The following TMEM135 variants were observed in gnomAD, a reference collection of about 807,000 sequenced individuals.
The protein encoded by TMEM135 is transmembrane protein 135.
A neutral mutation model predicts 60.3 loss-of-function variants in TMEM135; 30 were observed. The ratio of observed to expected loss-of-function variants is 0.50; its 90% CI spans 0.37 to 0.68. TMEM135 has a LOEUF of 0.68. Ranked by LOEUF, TMEM135 falls within the 30% of genes least tolerant of loss-of-function variation. The probability of loss-of-function intolerance (pLI) is 0.00; values close to 1 mark genes in which losing one functional copy is unlikely to be tolerated. For missense variants in TMEM135, 468 were observed against 548.8 expected (o/e 0.85, Z 1.47); for synonymous variants, 190 against 186.7 (o/e 1.02, Z -0.14).
At chr11:87,262,040 T>A (rs756238366) in intron 6 of TMEM135, among the ~76,000 whole-genome samples, 18 of 152,216 alleles carry the variant, frequency 1.2e-4, no homozygotes, top group Non-Finnish European at 2.6e-4. Context: ...TCGGATTCTA[T>A]CCAAATGTCA....
At chr11:87,227,950 C>T (rs1284732728) in intron 5 of TMEM135, among the ~76,000 whole-genome samples, 3 of 152,152 alleles carry the variant, frequency 2.0e-5, no homozygotes, top group African/African-American at 7.2e-5. Context: ...AATAACGTAT[C>T]TACGTATGTG....
intron 5 of TMEM135, among the ~76,000 whole-genome samples, chr11:87,222,606 C>G (rs1053369736): frequency 2.6e-5 from 4 of 151,360 alleles, no homozygotes; most frequent in Non-Finnish European, 5.9e-5. Flanking sequence ...GAGTTCGAGA[C>G]CAGCCTGACT....
At chr11:87,043,104 C>T (rs1452661958) in intron 1 of TMEM135, among the ~76,000 whole-genome samples, 1 of 151,382 alleles carries the variant, frequency 6.6e-6, no homozygotes, top group Non-Finnish European at 1.5e-5. Context: ...TACAGGTATG[C>T]ACCACCACGC....
At chr11:87,104,310 A>G (rs1466458904) in intron 4 of TMEM135, among the ~76,000 whole-genome samples, 3 of 152,134 alleles carry the variant, frequency 2.0e-5, no homozygotes, top group Admixed American at 6.6e-5. Flanking sequence ...TTTTTATGAC[A>G]GTACAATGCT....
chr11:87,247,892 A>C (rs903160385), intron 6 of TMEM135, among the ~76,000 whole-genome samples: 24 of 151,960 alleles, frequency 1.6e-4, no homozygotes, highest in African/African-American at 5.8e-4. Context: ...GGCACTCCCT[A>C]GTGAGATAAA....
At chr11:87,284,794 A>T (rs933225166) in intron 6 of TMEM135, among the ~76,000 whole-genome samples, 4 of 152,224 alleles carry the variant, frequency 2.6e-5, no homozygotes, top group Non-Finnish European at 2.9e-5. Flanking sequence ...ATTTCTTGCT[A>T]TTTCAAGTTC....
At position 87,283,014 on chromosome 11, in the gene TMEM135, A is replaced by T. The variant is rs116437583; in HGVS notation, c.510-12768A>T. Among the ~76,000 whole-genome samples, 793 of 152,198 alleles carry T rather than the reference A, an allele frequency of 5.2e-3. 6 individuals are homozygous for T. The highest frequency in any genetic ancestry group is 0.018 in the African/African-American group (757 of 41,532). On this transcript the variant is annotated intron_variant, in intron 6 of 14. Coordinates refer to ENST00000305494, the MANE Select transcript of TMEM135 (RefSeq NM_022918.4). ...ATGTTTCTCTTTCTTGGGGGTCAGG[A>T]TACTCTATAAGTCTTCAGCTAATCA...
chr11:87,276,737 C>T (rs1444542679), intron 6 of TMEM135, among the ~76,000 whole-genome samples: 52 of 136,916 alleles, frequency 3.8e-4, no homozygotes, highest in African/African-American at 2.7e-5. Flanking sequence ...AGCGTGATCT[C>T]GACTCACTGC....
chr11:87,150,231 A>AAG (rs1555110670), intron 4 of TMEM135, among the ~76,000 whole-genome samples: 54 of 151,324 alleles, frequency 3.6e-4, no homozygotes, highest in African/African-American at 1.3e-3. Context: ...AAAAAAAAAA[A>AAG]AAAAGAAAAA....
intron 4 of TMEM135, among the ~76,000 whole-genome samples, chr11:87,156,134 A>G (rs984706458): frequency 1.3e-5 from 2 of 152,142 alleles, no homozygotes; most frequent in African/African-American, 4.8e-5. Flanking sequence ...TTGTGCACTC[A>G]ATAGTCTTAT....
chr11:87,040,836 A>G (rs996862110), intron 1 of TMEM135, among the ~76,000 whole-genome samples: 4 of 152,062 alleles, frequency 2.6e-5, no homozygotes, highest in African/African-American at 7.2e-5. Context: ...ATAGTTACGC[A>G]TATTTTTCTT....
intron 5 of TMEM135, among the ~76,000 whole-genome samples, chr11:87,208,453 T>C (rs1310960920): frequency 2.0e-5 from 3 of 152,066 alleles, no homozygotes; most frequent in African/African-American, 7.2e-5. Flanking sequence ...TAGACCAAGC[T>C]GAGGAAAGAA....
intron 5 of TMEM135, among the ~76,000 whole-genome samples, chr11:87,203,898 G>A (rs968856847): frequency 5.9e-5 from 9 of 152,060 alleles, no homozygotes; most frequent in Non-Finnish European, 1.0e-4. Flanking sequence ...AATTATGGCC[G>A]TTCTAATAAG....
At chr11:87,319,158 C>T (rs957192976) in intron 13 of TMEM135, 152 bp from the exon 14 acceptor site, 35 of 683,680 alleles carry the variant, frequency 5.1e-5, no homozygotes, top group East Asian at 2.2e-4. Context: ...TGTGAGCCAC[C>T]GTGCCCAGCC....
chr11:87,129,862 C>A (rs1008443936), intron 4 of TMEM135, among the ~76,000 whole-genome samples: 4 of 151,964 alleles, frequency 2.6e-5, no homozygotes, highest in African/African-American at 9.7e-5. Flanking sequence ...ATGTTTTTGT[C>A]ATAAATACTA....
At chr11:87,289,698 C>T (rs182053975) in intron 6 of TMEM135, among the ~76,000 whole-genome samples, 6 of 152,124 alleles carry the variant, frequency 3.9e-5, no homozygotes, top group East Asian at 3.9e-4. Flanking sequence ...TCAGGTAATC[C>T]GCCCGCCTTG....
intron 1 of TMEM135, among the ~76,000 whole-genome samples, chr11:87,044,786 G>C (rs1010373691): frequency 3.3e-5 from 5 of 151,936 alleles, no homozygotes; most frequent in Admixed American, 2.0e-4. Flanking sequence ...GAGTAGCTGG[G>C]ACTACAGGCC....
intron 9 of TMEM135, 142 bp from the exon 10 acceptor site, chr11:87,309,363 T>A (rs182748985): frequency 2.6e-6 from 2 of 756,858 alleles, no homozygotes; most frequent in Admixed American, 5.1e-5. Flanking sequence ...TTGTTTGAGG[T>A]TTTAAGGCTT....
At chr11:87,282,797 T>G (rs755308010) in intron 6 of TMEM135, among the ~76,000 whole-genome samples, 1 of 152,222 alleles carries the variant, frequency 6.6e-6, no homozygotes, top group Non-Finnish European at 1.5e-5. Flanking sequence ...TTAACCTCCT[T>G]GGGCCTTGGT....
Sources: allele counts gnomAD v4.1 joint callset (sites outside exome capture counted in the v4.1 genomes callset), GRCh38; gene constraint gnomAD v4.1.1; transcripts MANE v1.5; gene names NCBI Gene and HGNC (gene_info 2026-07-23, HGNC 2026-07-21).